The following RPA3 variants were observed in gnomAD, a reference collection of about 807,000 sequenced individuals.
RPA3 encodes replication protein A3, also known as replication protein A 14 kDa subunit.
Under a neutral mutation model 13.7 loss-of-function variants are expected in RPA3, and 24 were observed. The ratio of observed to expected loss-of-function variants is 1.75; its 90% CI spans 1.27 to 2.46. The LOEUF is 2.46. RPA3 is among the 30% of genes most tolerant of loss of function. The pLI, the probability that RPA3 is intolerant of heterozygous loss-of-function variation, is 0.00. For missense variants in RPA3, 183 were observed against 151.0 expected (o/e 1.21, Z -1.11); for synonymous variants, 59 against 51.2 (o/e 1.15, Z -0.65).
At chr7:7,673,201 T>C in intron 4 of RPA3, 1 of 761,016 alleles carries the variant, frequency 1.3e-6, no homozygotes. Flanking sequence ...GGCCATAGAA[T>C]TCCTAAGAGT....
At chr7:7,671,469 T>C (rs906407710) in intron 4 of RPA3, among the ~76,000 whole-genome samples, 2 of 152,244 alleles carry the variant, frequency 1.3e-5, no homozygotes, top group East Asian at 3.8e-4. Flanking sequence ...TATTTGATCC[T>C]TAGCTGAGGC....
intron 2 of RPA3, among the ~76,000 whole-genome samples, chr7:7,714,368 T>A (rs924128386): frequency 2.0e-5 from 3 of 152,252 alleles, no homozygotes; most frequent in African/African-American, 4.8e-5. Flanking sequence ...TGTTTGCTCC[T>A]AAATGTATGT....
chr7:7,653,844 A>T (rs763297699), intron 4 of RPA3, among the ~76,000 whole-genome samples: 1 of 152,194 alleles, frequency 6.6e-6, no homozygotes, highest in Admixed American at 6.5e-5. Flanking sequence ...GGGGGATAGG[A>T]AGGCACTTAG....
At chr7:7,654,391 A>G (rs1471704393) in intron 4 of RPA3, among the ~76,000 whole-genome samples, 1 of 152,208 alleles carries the variant, frequency 6.6e-6, no homozygotes, top group Non-Finnish European at 1.5e-5. Flanking sequence ...AGATGACTTT[A>G]TCATATGGAT....
chr7:7,642,465 A>G (rs556152112), intron 4 of RPA3, among the ~76,000 whole-genome samples: 2 of 57,390 alleles, frequency 3.5e-5, no homozygotes, highest in Non-Finnish European at 3.5e-5. Context: ...ACCCTGTAAT[A>G]GTGATTTTTT....
intron 6 of RPA3, 108 bp from the exon 7 acceptor site, chr7:7,638,080 T>A: frequency 2.9e-6 from 2 of 678,904 alleles, no homozygotes; most frequent in Non-Finnish European, 4.9e-6. Context: ...AGTAACAAAG[T>A]AATTTTAAGA....
At chr7:7,666,064 T>C (rs139714574) in intron 4 of RPA3, among the ~76,000 whole-genome samples, 3 of 152,212 alleles carry the variant, frequency 2.0e-5, no homozygotes, top group African/African-American at 4.8e-5. Context: ...TGTTTATGTT[T>C]TTAAGAAACT....
At chr7:7,663,130 T>G (rs1162004051) in intron 4 of RPA3, among the ~76,000 whole-genome samples, 3 of 151,904 alleles carry the variant, frequency 2.0e-5, no homozygotes, top group Non-Finnish European at 4.4e-5. Context: ...CTCAATCTTT[T>G]TGCCTTCTTT....
intron 4 of RPA3, among the ~76,000 whole-genome samples, chr7:7,674,515 G>C (rs1563109392): frequency 6.6e-6 from 1 of 152,204 alleles, no homozygotes; most frequent in Non-Finnish European, 1.5e-5. Context: ...CCAGGGACAG[G>C]AGCAGTAGCT....
intron 2 of RPA3, among the ~76,000 whole-genome samples, chr7:7,709,374 C>G (rs1047585126): frequency 2.0e-5 from 3 of 152,202 alleles, no homozygotes; most frequent in African/African-American, 7.2e-5. Flanking sequence ...TGTCCTCACA[C>G]CATCTCTTAA....
At chr7:7,640,094 G>A in intron 5 of RPA3, 1 of 559,242 alleles carries the variant, frequency 1.8e-6, no homozygotes, top group Non-Finnish European at 3.2e-6. Context: ...GACGGGCACT[G>A]GAATTTAGAA....
At chr7:7,666,953 G>A (rs1019273712) in intron 4 of RPA3, among the ~76,000 whole-genome samples, 3 of 152,066 alleles carry the variant, frequency 2.0e-5, no homozygotes, top group Non-Finnish European at 4.4e-5. Flanking sequence ...GATTGCAGGC[G>A]TGCGCCACCA....
intron 4 of RPA3, among the ~76,000 whole-genome samples, chr7:7,673,785 G>T (rs1779673867): frequency 6.6e-6 from 1 of 150,928 alleles, no homozygotes; most frequent in Non-Finnish European, 1.5e-5. Context: ...CTTATAAATA[G>T]TACTAACCTT....
At chr7:7,654,251 G>A (rs1245400204) in intron 4 of RPA3, among the ~76,000 whole-genome samples, 2 of 152,212 alleles carry the variant, frequency 1.3e-5, no homozygotes, top group African/African-American at 4.8e-5. Context: ...ACAAAGTAAT[G>A]GAGGAGAGTA....
intron 2 of RPA3, among the ~76,000 whole-genome samples, chr7:7,709,434 T>G (rs577203030): frequency 6.6e-6 from 1 of 152,306 alleles, no homozygotes; most frequent in South Asian, 2.1e-4. Flanking sequence ...TGGTGTTGAC[T>G]TAAAGCATTG....
intron 4 of RPA3, among the ~76,000 whole-genome samples, chr7:7,665,002 G>T (rs1401681761): frequency 1.3e-5 from 2 of 151,132 alleles, no homozygotes; most frequent in Non-Finnish European, 1.5e-5. Context: ...GTGATATATA[G>T]ATATATATAT....
At chr7:7,649,411 G>A (rs1046688420) in intron 4 of RPA3, among the ~76,000 whole-genome samples, 2 of 152,072 alleles carry the variant, frequency 1.3e-5, no homozygotes, top group East Asian at 1.9e-4. Context: ...CCATTTATGA[G>A]GTCAGAGCTC....
chr7:7,640,103 A>C (rs1784929468), intron 5 of RPA3: 2 of 574,324 alleles, frequency 3.5e-6, no homozygotes, highest in South Asian at 4.2e-5. Context: ...TGGAATTTAG[A>C]ACTCAGCATT....
Position 7,653,517 on chromosome 7 carries a change from C to T in RPA3, c.-757-12342G>A, listed in dbSNP as rs776152105. Among the ~76,000 whole-genome samples, 24 of 152,312 alleles carry T rather than the reference C, an allele frequency of 1.6e-4. No individual in the cohort carries two copies. The South Asian group carries it at 2.5e-3, about 16-fold the overall frequency. ...ATGTATAGCATTACAAAAAAAACCT[C>T]TTGAAATTAAGATGTTTTCTGACTG... On this transcript the variant is annotated intron_variant, in intron 4 of 7. Transcript: ENST00000223129.
Sources: gnomAD v4.1 joint callset for allele counts (sites outside exome capture counted in the v4.1 genomes callset) on GRCh38, gnomAD v4.1.1 for gene constraint, MANE v1.5 for transcripts, NCBI Gene and HGNC (gene_info 2026-07-23, HGNC 2026-07-21) for gene names.